RIN3: variants seen among roughly 807,000 people sequenced by gnomAD.
RIN3 encodes the protein RAB5 interacting protein 3.
Under a neutral mutation model 76.3 loss-of-function variants are expected in RIN3, and 54 were observed. The ratio of observed to expected loss-of-function variants is 0.71; its 90% CI spans 0.57 to 0.89. The LOEUF (loss-of-function observed/expected upper bound fraction) is 0.89, where lower values mean the gene tolerates loss of function less well. RIN3 is among the 40% of genes least tolerant of loss of function. The probability of loss-of-function intolerance (pLI) is 0.00; values close to 1 mark genes in which losing one functional copy is unlikely to be tolerated. For synonymous variants in RIN3, 576 were observed against 564.0 expected (o/e 1.02, Z -0.30); for missense variants, 1,256 against 1,322.1 (o/e 0.95, Z 0.78).
At chr14:92,595,309 A>G (rs1885115823) in intron 3 of RIN3, among the ~76,000 whole-genome samples, 1 of 152,212 alleles carries the variant, frequency 6.6e-6, no homozygotes, top group African/African-American at 2.4e-5. Flanking sequence ...TCACTTGGGT[A>G]GCTGAGTGGA....
chr14:92,558,165 A>G (rs1897653924), intron 2 of RIN3, among the ~76,000 whole-genome samples: 1 of 152,210 alleles, frequency 6.6e-6, no homozygotes, highest in African/African-American at 2.4e-5. Context: ...CCTGGGCAAC[A>G]TGGCGAGACC....
At position 92,623,701 on chromosome 14, in the gene RIN3, G is replaced by A; in HGVS notation, c.440+8222G>A. On this transcript the variant is annotated intron_variant, in intron 4 of 9. Transcript: ENST00000216487. This position sits in a 1 kb window ranked among gnomAD's most constrained non-coding sequence, Gnocchi z 4.9. ...TACCACTCCAGTTACTTGGCAGAGT[G>A]TCTAGCAGGTGACCACCACAATACC... Among the ~76,000 whole-genome samples, 1 of 152,242 alleles carries A rather than the reference G, an allele frequency of 6.6e-6. No individual in the cohort carries two copies. Among genetic ancestry groups the A allele is most frequent in the East Asian group, 1.9e-4 (1 of 5,202 alleles).
intron 3 of RIN3, among the ~76,000 whole-genome samples, chr14:92,581,287 A>G (rs974998476): frequency 3.9e-5 from 6 of 152,194 alleles, no homozygotes; most frequent in African/African-American, 1.4e-4. Context: ...GATAATAGAG[A>G]CCAGGAGGGT....
chr14:92,648,412 G>A lies in RIN3; in HGVS notation c.533-3170G>A, dbSNP rs373786177. ...GTGCCTAATGGAGCCATCCTGTCCC[G>A]TGGCAGGCTGCCCGGCTGGTGGCCC... On this transcript the variant is annotated intron_variant, in intron 5 of 9. Transcript: ENST00000216487. The surrounding 1 kb of genome is among the most constrained non-coding windows in gnomAD (Gnocchi z 4.1). Among the ~76,000 whole-genome samples the A allele has an allele frequency of 1.5e-4, 23 of 152,372 alleles. No homozygotes were observed. The highest frequency in any genetic ancestry group is 3.4e-3 in the Middle Eastern group (1 of 294).
chr14:92,567,549 A>G (rs984069863), intron 2 of RIN3, among the ~76,000 whole-genome samples: 5 of 151,724 alleles, frequency 3.3e-5, no homozygotes, highest in African/African-American at 9.7e-5. Flanking sequence ...ATGACAGCAT[A>G]GTCCAAAGGG....
At chr14:92,674,397 C>T (rs1014088164) in intron 7 of RIN3, among the ~76,000 whole-genome samples, 9 of 152,300 alleles carry the variant, frequency 5.9e-5, no homozygotes, top group African/African-American at 2.2e-4. Flanking sequence ...TGAAATTTGA[C>T]AACCTGGGCA....
chr14:92,638,727 C>T (rs1278060051), intron 4 of RIN3, among the ~76,000 whole-genome samples: 1 of 152,144 alleles, frequency 6.6e-6, no homozygotes, highest in Non-Finnish European at 1.5e-5. Flanking sequence ...ACTGAGGGCC[C>T]ATCCAGTCCG....
chr14:92,599,450 A>T (rs1213893913), intron 3 of RIN3, among the ~76,000 whole-genome samples: 1 of 152,210 alleles, frequency 6.6e-6, no homozygotes, highest in Non-Finnish European at 1.5e-5. Context: ...AAGAGGAGCC[A>T]GTGGTGCCTC....
At chr14:92,679,195 C>T (rs1430527727) in intron 8 of RIN3, among the ~76,000 whole-genome samples, 2 of 152,252 alleles carry the variant, frequency 1.3e-5, no homozygotes, top group Non-Finnish European at 2.9e-5. Context: ...CTGCCTGCAT[C>T]CAGCCCTTTT....
At position 92,514,023 on chromosome 14, in the gene RIN3, C is replaced by A. The variant is rs1344650428; in HGVS notation, c.44+47C>A. On this transcript the variant is annotated intron_variant, in intron 1 of 9. Coordinates refer to ENST00000216487, the MANE Select transcript of RIN3 (RefSeq NM_024832.5). The surrounding 1 kb of genome is among the most constrained non-coding windows in gnomAD (Gnocchi z 7.2). ...CTCCTCCCTCGCGATCCCCACGGCCCGCGTCCTGGCCGCCCCACTCCACTT... is the reference window on the plus strand; with the variant it reads ...CTCCTCCCTCGCGATCCCCACGGCCAGCGTCCTGGCCGCCCCACTCCACTT... The A allele has an allele frequency of 3.4e-6, 4 of 1,172,732 alleles. No homozygotes were observed. The highest frequency in any genetic ancestry group is 4.2e-5 in the South Asian group (1 of 24,022). 72.6% of individuals were successfully genotyped at this position (1,172,732 alleles called of 1,614,324 possible). A position where few individuals can be genotyped will look rare whatever the true frequency, so the allele number is the denominator to read the frequency against.
Position 92,545,571 on chromosome 14 carries a change from T to A in RIN3, c.45-10180T>A, listed in dbSNP as rs543952634. On this transcript the variant is annotated intron_variant, in intron 1 of 9. Transcript: ENST00000216487. Reference sequence around the variant, plus strand: ...CTTTCTCCCTCTCTATTTTTTTTCTTTTTTCTTTTTCTTTTTTTTTTTTTT... The same window carrying A: ...CTTTCTCCCTCTCTATTTTTTTTCTATTTTCTTTTTCTTTTTTTTTTTTTT... Among the ~76,000 whole-genome samples, 117 of 130,426 alleles carry A rather than the reference T, an allele frequency of 9.0e-4. 1 individual carries two copies. The highest frequency in any genetic ancestry group is 3.2e-3 in the African/African-American group (115 of 35,710). The allele number at this position is 130,426 out of a possible 152,430, so 85.6% of individuals were successfully genotyped here.
intron 3 of RIN3, among the ~76,000 whole-genome samples, chr14:92,593,805 A>C (rs1885065649): frequency 6.6e-6 from 1 of 152,214 alleles, no homozygotes; most frequent in East Asian, 1.9e-4. Flanking sequence ...CTCCAAGAAG[A>C]TCTAACAGTC....
At chr14:92,657,606 G>C (rs1048896589) in intron 6 of RIN3, among the ~76,000 whole-genome samples, 7 of 152,192 alleles carry the variant, frequency 4.6e-5, no homozygotes, top group African/African-American at 1.7e-4. Flanking sequence ...CCTGGGAGGG[G>C]AAGAGACATG....
At chr14:92,629,471 T>G (rs1886483009) in intron 4 of RIN3, among the ~76,000 whole-genome samples, 3 of 152,226 alleles carry the variant, frequency 2.0e-5, no homozygotes, top group Non-Finnish European at 4.4e-5. Context: ...AGGATTCCAT[T>G]GGTTACTTGG....
At chr14:92,556,873 AT>A (rs1236631083) in intron 2 of RIN3, among the ~76,000 whole-genome samples, 1 of 152,194 alleles carries the variant, frequency 6.6e-6, no homozygotes, top group Non-Finnish European at 1.5e-5. Flanking sequence ...TCTTTTTTTA[AT>A]TGAGATGAAA....
chr14:92,622,876 C>T (rs1886232651), intron 4 of RIN3, among the ~76,000 whole-genome samples: 7 of 152,192 alleles, frequency 4.6e-5, no homozygotes, highest in Admixed American at 4.6e-4. Flanking sequence ...CAATTTCCTC[C>T]TCTTGAATTT....
chr14:92,589,344 T>C (rs545765753), intron 3 of RIN3, among the ~76,000 whole-genome samples: 1 of 152,146 alleles, frequency 6.6e-6, no homozygotes, highest in African/African-American at 2.4e-5. Flanking sequence ...ATTGTCTGTT[T>C]CATATTGTCG....
intron 1 of RIN3, among the ~76,000 whole-genome samples, chr14:92,519,784 G>A (rs770002321): frequency 1.8e-4 from 27 of 152,318 alleles, no homozygotes; most frequent in African/African-American, 2.9e-4. Context: ...AAGCCAGTCC[G>A]TCCCTCCTGC....
At chr14:92,530,784 T>C (rs1435561139) in intron 1 of RIN3, among the ~76,000 whole-genome samples, 2 of 152,152 alleles carry the variant, frequency 1.3e-5, no homozygotes, top group African/African-American at 2.4e-5. Flanking sequence ...GCCTGGATCC[T>C]GGAAGGGATG....
Sources: allele counts gnomAD v4.1 joint callset (sites outside exome capture counted in the v4.1 genomes callset), GRCh38; gene constraint gnomAD v4.1.1; non-coding constraint Gnocchi (gnomAD v3.1); transcripts MANE v1.5; gene names NCBI Gene and HGNC (gene_info 2026-07-23, HGNC 2026-07-21).